ENOX1: variants seen among roughly 807,000 people sequenced by gnomAD.
The protein encoded by ENOX1 is ecto-NOX disulfide-thiol exchanger 1, also known as candidate growth-related and time keeping constitutive hydroquinone (NADH) oxidase.
Under a neutral mutation model 82.5 loss-of-function variants are expected in ENOX1, and 42 were observed. The observed-to-expected ratio is 0.51, with a 90% CI of 0.40 to 0.66. The LOEUF (loss-of-function observed/expected upper bound fraction) is 0.66. Among genes scored for constraint, ENOX1 ranks in the 30% least tolerant of loss-of-function variants. The pLI is 0.00. For synonymous variants in ENOX1, 271 were observed against 282.2 expected, an observed-to-expected ratio of 0.96 and a Z score of 0.40; for missense variants, 608 against 811.6, an observed-to-expected ratio of 0.75 and a Z score of 3.05.
At chr13:43,673,440 C>T (rs2085361890) in intron 1 of ENOX1, among the ~76,000 whole-genome samples, 1 of 152,156 alleles carries the variant, frequency 6.6e-6, no homozygotes, top group Non-Finnish European at 1.5e-5. Flanking sequence ...TAAGAGATCA[C>T]CACATATTTT....
chr13:43,255,444 G>T (rs1329028943), intron 14 of ENOX1, among the ~76,000 whole-genome samples: 2 of 152,044 alleles, frequency 1.3e-5, no homozygotes, highest in Non-Finnish European at 2.9e-5. Flanking sequence ...AGAGCAATTA[G>T]GTAAGTGAAA....
intron 9 of ENOX1, among the ~76,000 whole-genome samples, chr13:43,338,434 C>T (rs542452068): frequency 2.6e-4 from 40 of 152,168 alleles, no homozygotes; most frequent in Admixed American, 8.5e-4. Flanking sequence ...AGGATGCTAT[C>T]GGGATAAGGT....
chr13:43,290,648 C>T (rs921369577), intron 12 of ENOX1, among the ~76,000 whole-genome samples: 2 of 152,244 alleles, frequency 1.3e-5, no homozygotes, highest in Admixed American at 1.3e-4. Context: ...TGCTCACTAC[C>T]CAGGTGATGG....
At chr13:43,514,479 C>T (rs1011832939) in intron 2 of ENOX1, among the ~76,000 whole-genome samples, 3 of 152,088 alleles carry the variant, frequency 2.0e-5, no homozygotes, top group Admixed American at 6.6e-5. Flanking sequence ...TGTAGCCAAA[C>T]ACATCAGTTG....
At chr13:43,590,937 A>T (rs1474019708) in intron 2 of ENOX1, among the ~76,000 whole-genome samples, 1 of 152,232 alleles carries the variant, frequency 6.6e-6, no homozygotes, top group Non-Finnish European at 1.5e-5. Context: ...GGAAAACATA[A>T]ATTTAAACCA....
chr13:43,551,346 T>C (rs1018211094), intron 2 of ENOX1, among the ~76,000 whole-genome samples: 2 of 152,172 alleles, frequency 1.3e-5, no homozygotes, highest in South Asian at 4.1e-4. Context: ...ATATGTTAAA[T>C]GATCCCTGCA....
Position 43,224,036 on chromosome 13 carries a change from C to T in ENOX1, c.1800+17G>A, listed in dbSNP as rs201058973. 82 of 1,606,148 alleles carry T rather than the reference C, an allele frequency of 5.1e-5. 1 individual carries two copies. The highest frequency in any genetic ancestry group is 1.6e-4 in the Middle Eastern group (1 of 6,066). On this transcript the variant is annotated intron_variant, in intron 16 of 16. Transcript: ENST00000690772. ...TAAATTTGAGCAACGAAAGTTCACT[C>T]GAGCAAAATAATTTACCTTGGAGTC...
intron 3 of ENOX1, among the ~76,000 whole-genome samples, chr13:43,453,830 C>A (rs1319366850): frequency 6.6e-6 from 1 of 152,054 alleles, no homozygotes; most frequent in African/African-American, 2.4e-5. Context: ...AGCAAAGGAA[C>A]AGATAAAGGA....
At chr13:43,339,170 G>A (rs1434996557) in intron 9 of ENOX1, among the ~76,000 whole-genome samples, 1 of 152,206 alleles carries the variant, frequency 6.6e-6, no homozygotes, top group Non-Finnish European at 1.5e-5. Context: ...GGACTTTGAT[G>A]GAGACCTTTG....
At chr13:43,249,801 T>C (rs1470954143) in intron 14 of ENOX1, among the ~76,000 whole-genome samples, 1 of 152,222 alleles carries the variant, frequency 6.6e-6, no homozygotes, top group Non-Finnish European at 1.5e-5. Context: ...AAGGTTTTCC[T>C]GGCATACTGT....
intron 8 of ENOX1, among the ~76,000 whole-genome samples, chr13:43,353,157 C>A (rs2049920163): frequency 6.6e-6 from 1 of 152,136 alleles, no homozygotes; most frequent in Non-Finnish European, 1.5e-5. Flanking sequence ...CCCAGTAGAA[C>A]CACTGGACAG....
At chr13:43,288,840 T>A (rs2045847983) in intron 12 of ENOX1, among the ~76,000 whole-genome samples, 1 of 152,150 alleles carries the variant, frequency 6.6e-6, no homozygotes, top group Non-Finnish European at 1.5e-5. Flanking sequence ...AGTATTTACA[T>A]CTTTCATAAT....
At chr13:43,512,014 A>G (rs2077388359) in intron 2 of ENOX1, among the ~76,000 whole-genome samples, 1 of 152,180 alleles carries the variant, frequency 6.6e-6, no homozygotes, top group Non-Finnish European at 1.5e-5. Flanking sequence ...GATATTATAC[A>G]TATGCCATCC....
Position 43,247,883 on chromosome 13 carries a change from A to ATTTTTTT in ENOX1, c.1612-11152_1612-11146dup, listed in dbSNP as rs869265102. Among the ~76,000 whole-genome samples the ATTTTTTT allele has an allele frequency of 2.5e-3, 37 of 14,646 alleles. 4 individuals carry two copies. Among genetic ancestry groups the ATTTTTTT allele is most frequent in the South Asian group, 6.3e-3 (1 of 160 alleles). 9.6% of individuals were successfully genotyped at this position (14,646 alleles called of 152,430 possible). A position where few individuals can be genotyped will look rare whatever the true frequency, so the allele number is the denominator to read the frequency against. On this transcript the variant is annotated intron_variant, in intron 14 of 16. Coordinates refer to ENST00000690772, the MANE Select transcript of ENOX1 (RefSeq NM_001347969.2). ...TATATATATATATATATATATATAT[A>ATTTTTTT]TTTTTTTTTTTTTTTTTTTTGAGAC...
chr13:43,497,649 G>A (rs2076839303), intron 2 of ENOX1, among the ~76,000 whole-genome samples: 1 of 152,044 alleles, frequency 6.6e-6, no homozygotes, highest in African/African-American at 2.4e-5. Context: ...CTAATTGTAT[G>A]TTAAACATTT....
Position 43,582,156 on chromosome 13 carries a change from A to T in ENOX1, c.-219+85323T>A, listed in dbSNP as rs182595669. Among the ~76,000 whole-genome samples the T allele has an allele frequency of 4.7e-4, 72 of 152,262 alleles. 1 individual carries two copies. The highest frequency in any genetic ancestry group is 1.6e-3 in the African/African-American group (65 of 41,568). On this transcript the variant is annotated intron_variant, in intron 2 of 16. Transcript: ENST00000690772. ...TCAATATCTAACAAAACTAGAAAAA[A>T]TATGTCTTATCTTCTGAAAATTTTA... is the stretch of plus-strand genomic sequence containing the variant.
intron 13 of ENOX1, among the ~76,000 whole-genome samples, chr13:43,268,654 G>A (rs766808969): frequency 7.2e-5 from 11 of 152,058 alleles, no homozygotes; most frequent in Admixed American, 2.6e-4. Context: ...TGTATACAGT[G>A]TAAGGTTATT....
intron 3 of ENOX1, among the ~76,000 whole-genome samples, chr13:43,415,246 T>TC (rs1415167302): frequency 6.9e-6 from 1 of 145,756 alleles, no homozygotes; most frequent in African/African-American, 2.5e-5. Context: ...TTTTTTTTTT[T>TC]TTTTTTTTTT....
At chr13:43,366,557 T>A (rs571863849) in intron 5 of ENOX1, among the ~76,000 whole-genome samples, 152 of 152,354 alleles carry the variant, frequency 1.0e-3, no homozygotes, top group African/African-American at 3.4e-3. Flanking sequence ...ATTACAGGCA[T>A]AAGCCACTGC....
Sources: allele counts gnomAD v4.1 joint callset (sites outside exome capture counted in the v4.1 genomes callset), GRCh38; gene constraint gnomAD v4.1.1; transcripts MANE v1.5; gene names NCBI Gene and HGNC (gene_info 2026-07-23, HGNC 2026-07-21).